Variants in ZDHHC3 observed in about 807,000 individuals in gnomAD.
ZDHHC3 encodes palmitoyltransferase ZDHHC3.
In ZDHHC3, 9 loss-of-function variants were observed where a neutral mutation model predicts 30.6. The ratio of observed to expected loss-of-function variants is 0.29; its 90% CI spans 0.18 to 0.51. The LOEUF (loss-of-function observed/expected upper bound fraction) is 0.51, where lower values mean the gene tolerates loss of function less well. Among genes scored for constraint, ZDHHC3 ranks in the 20% least tolerant of loss-of-function variants. ZDHHC3 has a pLI of 0.97. For missense variants in ZDHHC3, 246 were observed against 384.2 expected (o/e 0.64, Z 3.01); for synonymous variants, 136 against 140.2 (o/e 0.97, Z 0.21).
In ZDHHC3 at chr3:44,920,744, C is replaced by T. The variant is rs907579348; in HGVS notation, c.*5945G>A. 12 of 985,276 alleles carry T rather than the reference C, an allele frequency of 1.2e-5. No individual in the cohort carries two copies. Among genetic ancestry groups the T allele is most frequent in the African/African-American group, 1.7e-5 (1 of 57,192 alleles). The allele number at this position is 985,276 out of a possible 1,614,324, so 61.0% of individuals were successfully genotyped here. ...GGATGATTATTTGCCATTCATGTGG[C>T]ATGCTCCCAGATAGGCACTCTTGGA... On this transcript the variant is annotated 3_prime_UTR_variant, in exon 7 of 7. Transcript: ENST00000424952.
rs1700316735 is a variant in ZDHHC3, at chr3:44,918,116, G to C, written c.*8573C>G. 1.5e-6 allele frequency: 2 copies of C among 1,305,020 alleles called. No homozygotes were observed. Among genetic ancestry groups the C allele is most frequent in the Admixed American group, 2.3e-5 (1 of 43,538 alleles). 80.8% of individuals were successfully genotyped at this position (1,305,020 alleles called of 1,614,324 possible). On this transcript the variant is annotated 3_prime_UTR_variant, in exon 7 of 7. Transcript: ENST00000424952. Reference sequence around the variant, plus strand: ...CAGCTCCCCATGTGCTCCCTGGGCTGGTTCTTTCGTTTGAGGCGCTCGATG... The same window carrying C: ...CAGCTCCCCATGTGCTCCCTGGGCTCGTTCTTTCGTTTGAGGCGCTCGATG...
At chr3:44,931,822 A>G (rs1701515973) in intron 5 of ZDHHC3, among the ~76,000 whole-genome samples, 1 of 152,214 alleles carries the variant, frequency 6.6e-6, no homozygotes, top group African/African-American at 2.4e-5. Flanking sequence ...AAACTTGTTC[A>G]TCCTCTGTGA....
chr3:44,973,620 G>A (rs1030680172), intron 1 of ZDHHC3, among the ~76,000 whole-genome samples: 5 of 152,028 alleles, frequency 3.3e-5, no homozygotes, highest in South Asian at 2.1e-4. Flanking sequence ...CACCATGCCC[G>A]GCTGATTTTG....
intron 4 of ZDHHC3, chr3:44,933,480 CG>C: frequency 1.8e-6 from 1 of 561,248 alleles, no homozygotes; most frequent in Non-Finnish European, 3.2e-6. Context: ...GCTGCCTGGG[CG>C]GGGGGTTCAA....
In ZDHHC3 at chr3:44,976,106, G is replaced by A; in HGVS notation, c.-198C>T. The A allele has an allele frequency of 2.1e-6, 1 of 476,556 alleles. No individual in the cohort carries two copies. The highest frequency in any genetic ancestry group is 5.7e-4 in the Middle Eastern group (1 of 1,754). The allele number at this position is 476,556 out of a possible 1,614,324, so 29.5% of individuals were successfully genotyped here. ...TCGGCCAGACACCGGGCGGCGCGCA[G>A]GAGAAGCCCATCGAGCTCTCCCGGC... On this transcript the variant is annotated 5_prime_UTR_variant, in exon 1 of 7. Coordinates refer to ENST00000424952, the MANE Select transcript of ZDHHC3 (RefSeq NM_001135179.2).
intron 1 of ZDHHC3, among the ~76,000 whole-genome samples, chr3:44,963,396 A>G (rs1024752867): frequency 1.3e-4 from 20 of 152,184 alleles, no homozygotes; most frequent in Admixed American, 9.8e-4. Context: ...GCATACTGCT[A>G]TAAAAAGGTT....
intron 3 of ZDHHC3, among the ~76,000 whole-genome samples, chr3:44,944,003 G>A (rs1300999164): frequency 6.6e-6 from 1 of 152,032 alleles, no homozygotes; most frequent in Non-Finnish European, 1.5e-5. Context: ...TAGAGACAGG[G>A]TCTCACTTTG....
At chr3:44,950,611 C>A (rs1703361041) in intron 2 of ZDHHC3, among the ~76,000 whole-genome samples, 1 of 152,240 alleles carries the variant, frequency 6.6e-6, no homozygotes, top group South Asian at 2.1e-4. Context: ...ACCACCTGAG[C>A]CCACCTCTCA....
At chr3:44,945,410 T>C (rs1181621632) in intron 2 of ZDHHC3, 118 bp from the exon 3 acceptor site, 2 of 1,388,464 alleles carry the variant, frequency 1.4e-6, no homozygotes, top group East Asian at 4.6e-5. Flanking sequence ...CAGGACACTT[T>C]GATACCAACA....
intron 2 of ZDHHC3, among the ~76,000 whole-genome samples, chr3:44,956,300 C>T (rs927034241): frequency 6.6e-5 from 10 of 152,212 alleles, no homozygotes; most frequent in African/African-American, 2.4e-4. Context: ...CAGCTCCAGA[C>T]TGACTATCTA....
At chr3:44,931,604 C>CA (rs1701494265) in intron 5 of ZDHHC3, among the ~76,000 whole-genome samples, 3 of 152,200 alleles carry the variant, frequency 2.0e-5, no homozygotes, top group African/African-American at 7.2e-5. Flanking sequence ...TCTCAGGCCT[C>CA]AACTTTGGGT....
At position 44,925,916 on chromosome 3, in the gene ZDHHC3, G is replaced by A. The variant is rs1700946372; in HGVS notation, c.*773C>T. On this transcript the variant is annotated 3_prime_UTR_variant, in exon 7 of 7. Transcript: ENST00000424952. ...AGGAAAACGTAGCTTGCCTGAAATT[G>A]TGTAATTTTTTTTCCTCTTGATTGT... The A allele has an allele frequency of 1.0e-6, 1 of 985,710 alleles. No homozygotes were observed. The highest frequency in any genetic ancestry group is 1.2e-6 in the Non-Finnish European group (1 of 829,938). The allele number at this position is 985,710 out of a possible 1,614,324, so 61.1% of individuals were successfully genotyped here.
At chr3:44,954,414 G>T (rs1180731124) in intron 2 of ZDHHC3, among the ~76,000 whole-genome samples, 1 of 152,324 alleles carries the variant, frequency 6.6e-6, no homozygotes, top group South Asian at 2.1e-4. Context: ...ATTCAGTACA[G>T]TAACACGTTG....
intron 2 of ZDHHC3, among the ~76,000 whole-genome samples, chr3:44,953,963 A>G (rs986393488): frequency 6.6e-6 from 1 of 152,210 alleles, no homozygotes; most frequent in African/African-American, 2.4e-5. Flanking sequence ...GTCCAACATC[A>G]TGCTGCCATG....
At chr3:44,966,429 T>C (rs1342133274) in intron 1 of ZDHHC3, among the ~76,000 whole-genome samples, 1 of 152,224 alleles carries the variant, frequency 6.6e-6, no homozygotes, top group African/African-American at 2.4e-5. Flanking sequence ...AGTCTACCCT[T>C]AAACAATCAC....
chr3:44,931,561 C>T (rs1033103922), intron 5 of ZDHHC3, among the ~76,000 whole-genome samples: 1 of 152,220 alleles, frequency 6.6e-6, no homozygotes, highest in Admixed American at 6.5e-5. Flanking sequence ...CAGGGCTGAG[C>T]AGTGAGGGCA....
Position 44,918,683 on chromosome 3 carries a change from G to A in ZDHHC3, c.*8006C>T. On this transcript the variant is annotated 3_prime_UTR_variant, in exon 7 of 7. Transcript: ENST00000424952. ...GTGCTCGTACAGCAAGTGCCAACAT[G>A]CATTAGGCAGCCGGAGGGCACACAG... is the stretch of plus-strand genomic sequence containing the variant. 8 of 997,442 alleles carry A rather than the reference G, an allele frequency of 8.0e-6. No individual in the cohort carries two copies. The highest frequency in any genetic ancestry group is 9.6e-6 in the Non-Finnish European group (8 of 835,624). The allele number at this position is 997,442 out of a possible 1,614,324, so 61.8% of individuals were successfully genotyped here. A position where few individuals can be genotyped will look rare whatever the true frequency, so the allele number is the denominator to read the frequency against.
At chr3:44,929,473 AC>A (rs777826684) in intron 5 of ZDHHC3, 37 bp from the exon 6 acceptor site, 8 of 1,609,834 alleles carry the variant, frequency 5.0e-6, no homozygotes, top group Non-Finnish European at 8.5e-7. Context: ...TGGTACTGTC[AC>A]CCACTGCCTG....
At chr3:44,940,940 C>T (rs945329571) in intron 3 of ZDHHC3, among the ~76,000 whole-genome samples, 8 of 152,168 alleles carry the variant, frequency 5.3e-5, no homozygotes, top group Admixed American at 4.6e-4. Flanking sequence ...CCAGCACTTA[C>T]CAAACTATAT....
Sources: allele counts gnomAD v4.1 joint callset (sites outside exome capture counted in the v4.1 genomes callset), GRCh38; gene constraint gnomAD v4.1.1; transcripts MANE v1.5; gene names NCBI Gene and HGNC (gene_info 2026-07-23, HGNC 2026-07-21).